Variants in SYNDIG1 observed in about 807,000 individuals in gnomAD.
SYNDIG1 encodes synapse differentiation-inducing gene protein 1.
In SYNDIG1, 9 loss-of-function variants were observed where a neutral mutation model predicts 19.4. The ratio of observed to expected loss-of-function variants is 0.46; its 90% CI spans 0.28 to 0.81. SYNDIG1 has a LOEUF of 0.81. SYNDIG1 is among the 30% of genes least tolerant of loss of function. The pLI is 0.12. For synonymous variants in SYNDIG1, 141 were observed against 145.9 expected (o/e 0.97, Z 0.24); for missense variants, 311 against 343.3 (o/e 0.91, Z 0.74).
At chr20:24,643,162 A>G (rs2059394717) in intron 3 of SYNDIG1, among the ~76,000 whole-genome samples, 2 of 152,188 alleles carry the variant, frequency 1.3e-5, no homozygotes, top group South Asian at 4.1e-4. Flanking sequence ...ATTGTCACAC[A>G]TCACTGCAGC....
At chr20:24,618,377 G>A (rs1600759183) in intron 3 of SYNDIG1, among the ~76,000 whole-genome samples, 1 of 151,596 alleles carries the variant, frequency 6.6e-6, no homozygotes, top group African/African-American at 2.4e-5. Context: ...TGGGGAAGGG[G>A]GTCCCTGGGG....
At chr20:24,522,577 T>G (rs927583514) in intron 1 of SYNDIG1, among the ~76,000 whole-genome samples, 8 of 152,220 alleles carry the variant, frequency 5.3e-5, no homozygotes, top group Non-Finnish European at 2.9e-5. Context: ...TACTGTTGTA[T>G]TCATTTCACT....
At chr20:24,570,768 A>G (rs533366200) in intron 2 of SYNDIG1, among the ~76,000 whole-genome samples, 85 of 152,384 alleles carry the variant, frequency 5.6e-4, no homozygotes, top group Admixed American at 1.4e-3. Context: ...TGACCCAGCA[A>G]TCCTACTCCA....
intron 3 of SYNDIG1, among the ~76,000 whole-genome samples, chr20:24,625,778 C>T (rs2059116169): frequency 6.6e-6 from 1 of 152,250 alleles, no homozygotes; most frequent in South Asian, 2.1e-4. Flanking sequence ...TACACAGACA[C>T]AGCAACCATC....
chr20:24,576,132 C>A (rs2058224195), intron 2 of SYNDIG1, among the ~76,000 whole-genome samples: 1 of 152,202 alleles, frequency 6.6e-6, no homozygotes. Flanking sequence ...CCAGGCCCAC[C>A]ACTGATGGCA....
intron 3 of SYNDIG1, among the ~76,000 whole-genome samples, chr20:24,604,925 C>A (rs553828461): frequency 6.6e-6 from 1 of 152,104 alleles, no homozygotes; most frequent in South Asian, 2.1e-4. Flanking sequence ...TATTTTTTAA[C>A]GTCCTCAGAT....
At chr20:24,603,860 T>C (rs891324087) in intron 3 of SYNDIG1, among the ~76,000 whole-genome samples, 22 of 152,148 alleles carry the variant, frequency 1.4e-4, no homozygotes, top group African/African-American at 5.1e-4. Flanking sequence ...GGGAGAAGAA[T>C]ATCTGAAAGA....
At chr20:24,598,210 A>G (rs754189830) in intron 3 of SYNDIG1, among the ~76,000 whole-genome samples, 8 of 152,196 alleles carry the variant, frequency 5.3e-5, no homozygotes, top group Non-Finnish European at 1.0e-4. Context: ...GCTTGCCGCC[A>G]TGCACTCACG....
chr20:24,521,060 A>C (rs139133131), intron 1 of SYNDIG1, among the ~76,000 whole-genome samples: 1 of 152,314 alleles, frequency 6.6e-6, no homozygotes, highest in East Asian at 1.9e-4. Flanking sequence ...AAGTGGAATC[A>C]TACAGTATTT....
intron 3 of SYNDIG1, among the ~76,000 whole-genome samples, chr20:24,612,822 G>C (rs1240354537): frequency 6.6e-6 from 1 of 152,214 alleles, no homozygotes; most frequent in Non-Finnish European, 1.5e-5. Flanking sequence ...CAGTCACTCA[G>C]GGGCAGGGAC....
Position 24,649,144 on chromosome 20 carries a change from G to A in SYNDIG1, c.619-16202G>A, listed in dbSNP as rs1194203229. Among the ~76,000 whole-genome samples, 3 of 152,192 alleles carry A rather than the reference G, an allele frequency of 2.0e-5. 1 individual carries two copies. The East Asian group carries it at 5.8e-4, about 29-fold the overall frequency. On this transcript the variant is annotated intron_variant, in intron 3 of 3. Coordinates refer to ENST00000376862, the MANE Select transcript of SYNDIG1 (RefSeq NM_024893.3). ...AGGGGCCAAGGAAGCCTCCCCCAGGGACTGGATGCTTGTGTGAGATCAGGA... is the reference window on the plus strand; with the variant it reads ...AGGGGCCAAGGAAGCCTCCCCCAGGAACTGGATGCTTGTGTGAGATCAGGA...
intron 3 of SYNDIG1, among the ~76,000 whole-genome samples, chr20:24,635,510 G>A (rs1051072091): frequency 5.9e-5 from 9 of 152,080 alleles, no homozygotes; most frequent in Non-Finnish European, 8.8e-5. Context: ...TTATCCCAGC[G>A]GACACCAAGG....
chr20:24,641,476 A>G (rs2059376568), intron 3 of SYNDIG1, among the ~76,000 whole-genome samples: 2 of 152,218 alleles, frequency 1.3e-5, no homozygotes, highest in South Asian at 4.1e-4. Context: ...GTGTTGTGCA[A>G]TGGAAGAAAT....
At chr20:24,575,606 T>G (rs2058214530) in intron 2 of SYNDIG1, among the ~76,000 whole-genome samples, 2 of 152,198 alleles carry the variant, frequency 1.3e-5, no homozygotes, top group South Asian at 4.1e-4. Flanking sequence ...GTGTTTTATT[T>G]AATTTATCTT....
At chr20:24,494,374 T>C (rs1372274716) in intron 1 of SYNDIG1, among the ~76,000 whole-genome samples, 3 of 152,028 alleles carry the variant, frequency 2.0e-5, no homozygotes, top group Non-Finnish European at 4.4e-5. Flanking sequence ...CGAGGGTGAC[T>C]GTGGGAGTGG....
chr20:24,543,547 G>A lies in SYNDIG1; in HGVS notation c.450G>A (p.Val150=), dbSNP rs1400726216. The change falls in exon 2 of 4, where the codon GTG becomes GTA. Residue 150 remains valine, a synonymous_variant. Coordinates refer to ENST00000376862, the MANE Select transcript of SYNDIG1 (RefSeq NM_024893.3). Reference sequence around the variant, plus strand: ...AAATCCACACCCTGTCCTACGATGTGGAGGAGGAGGAGGAGTTCCAGGAGC... The same window carrying A: ...AAATCCACACCCTGTCCTACGATGTAGAGGAGGAGGAGGAGTTCCAGGAGC... The part of the protein sequence containing the change: ...DIKIHTLSYD[V]EEEEEFQELE... 8.8e-6 allele frequency: 14 copies of A among 1,586,036 alleles called. No individual in the cohort carries two copies. The highest frequency in any genetic ancestry group is 2.2e-5 in the East Asian group (1 of 44,522).
rs77545452 is a variant in SYNDIG1, at chr20:24,624,764, G to A, written c.618+39771G>A. ...TAATATACATTCTTCTCAGGGGCAC[G>A]TGAAGCAGTCACAATATAGGCCATA... On this transcript the variant is annotated intron_variant, in intron 3 of 3. Transcript: ENST00000376862. 1.4e-3 allele frequency among the ~76,000 whole-genome samples: 215 copies of A among 152,244 alleles called. 2 individuals are homozygous for A. Among genetic ancestry groups the A allele is most frequent in the African/African-American group, 5.1e-3 (210 of 41,546 alleles).
chr20:24,479,620 A>G (rs1189273776), intron 1 of SYNDIG1, among the ~76,000 whole-genome samples: 5 of 152,052 alleles, frequency 3.3e-5, no homozygotes, highest in Admixed American at 6.6e-5. Context: ...CACTAGATCT[A>G]AGTATTTCCT....
At chr20:24,655,976 C>A (rs971970838) in intron 3 of SYNDIG1, among the ~76,000 whole-genome samples, 8 of 152,196 alleles carry the variant, frequency 5.3e-5, no homozygotes, top group Non-Finnish European at 1.0e-4. Flanking sequence ...GAGTCAGACA[C>A]CATCGTGCGT....
Sources: gnomAD v4.1 joint callset for allele counts (sites outside exome capture counted in the v4.1 genomes callset) on GRCh38, gnomAD v4.1.1 for gene constraint, MANE v1.5 for transcripts, NCBI Gene and HGNC (gene_info 2026-07-23, HGNC 2026-07-21) for gene names.